FRY: variants seen among roughly 807,000 people sequenced by gnomAD.
FRY encodes protein furry homolog.
Under a neutral mutation model 348.4 loss-of-function variants are expected in FRY, and 128 were observed. The observed-to-expected ratio is 0.37, with a 90% CI of 0.32 to 0.43. FRY has a LOEUF of 0.43. Among genes scored for constraint, FRY ranks in the 20% least tolerant of loss-of-function variants. The probability of loss-of-function intolerance (pLI) is 1.00; values close to 1 mark genes in which losing one functional copy is unlikely to be tolerated. For synonymous variants in FRY, 1,370 were observed against 1,374.7 expected (o/e 1.00, Z 0.08); for missense variants, 2,736 against 3,695.2 (o/e 0.74, Z 6.73).
intron 3 of FRY, among the ~76,000 whole-genome samples, chr13:32,107,745 G>A (rs73167129): frequency 0.051 from 7,718 of 152,224 alleles, 293 homozygotes; most frequent in East Asian, 0.23. Context: ...CCTCAGGAGA[G>A]CAAACTTCGC....
chr13:32,174,676 A>G (rs1403833131), intron 19 of FRY, among the ~76,000 whole-genome samples: 2 of 152,068 alleles, frequency 1.3e-5, no homozygotes, highest in Non-Finnish European at 2.9e-5. Context: ...GTGCTAATCC[A>G]CTAGACTGCA....
intron 8 of FRY, among the ~76,000 whole-genome samples, chr13:32,134,687 G>A (rs1424498980): frequency 6.6e-6 from 1 of 152,216 alleles, no homozygotes; most frequent in Admixed American, 6.5e-5. Flanking sequence ...TGAAATATAA[G>A]AGTGAAAAAA....
chr13:32,276,583 G>T (rs368817077), intron 57 of FRY, 21 bp downstream of exon 57: 19 of 1,261,018 alleles, frequency 1.5e-5, no homozygotes, highest in Non-Finnish European at 2.2e-5. Context: ...GTGTTTCTAT[G>T]CATATGCAGT....
chr13:32,087,888 G>C (rs934451015), intron 2 of FRY, among the ~76,000 whole-genome samples: 5 of 152,198 alleles, frequency 3.3e-5, no homozygotes, highest in Non-Finnish European at 7.3e-5. Flanking sequence ...TTATATGGCA[G>C]ATCTTCATAA....
chr13:32,223,545 G>C lies in FRY; in HGVS notation c.4766-690G>C, dbSNP rs2096780852. ...AATCCCAAAACTTTGGGAGGCCAAG[G>C]TGGGAGGATCACTTGAGTCCAGGAG... On this transcript the variant is annotated intron_variant, in intron 36 of 60. Transcript: ENST00000542859. 2.0e-5 allele frequency among the ~76,000 whole-genome samples: 3 copies of C among 152,072 alleles called. No homozygotes were observed. In the South Asian group the frequency reaches 6.2e-4, roughly 32 times the overall value.
At chr13:32,126,916 A>T (rs1009312045) in intron 7 of FRY, among the ~76,000 whole-genome samples, 1 of 152,206 alleles carries the variant, frequency 6.6e-6, no homozygotes, top group African/African-American at 2.4e-5. Flanking sequence ...TCCCAATGAT[A>T]ATGCTTATTA....
chr13:32,257,833 G>T, intron 51 of FRY: 2 of 740,468 alleles, frequency 2.7e-6, no homozygotes, highest in East Asian at 2.5e-5. Context: ...TGCACCTACT[G>T]AAGTGTATAT....
chr13:32,294,058 C>G (rs978177231), intron 59 of FRY, among the ~76,000 whole-genome samples: 1 of 152,182 alleles, frequency 6.6e-6, no homozygotes, highest in South Asian at 2.1e-4. Context: ...CACTCTTGAG[C>G]CTGATCTCTT....
rs553931523 is a variant in FRY at position 32,123,968 on chromosome 13, G to T, written c.465-318G>T. Among the ~76,000 whole-genome samples, 5 of 152,190 alleles carry T rather than the reference G, an allele frequency of 3.3e-5. No individual in the cohort carries two copies. The South Asian group carries it at 1.0e-3, about 32-fold the overall frequency. ...TCCTGCTTCAGCCTCTCAAGTAGCT[G>T]GGATTACAGGCATGGGCTACCATGC... is the stretch of plus-strand genomic sequence containing the variant. On this transcript the variant is annotated intron_variant, in intron 4 of 60. Transcript: ENST00000542859.
intron 56 of FRY, 113 bp from the exon 57 acceptor site, chr13:32,276,351 A>G (rs1888537081): frequency 1.4e-6 from 1 of 723,766 alleles, no homozygotes; most frequent in Non-Finnish European, 2.5e-6. Context: ...ATTAAAATGG[A>G]TGACACTTGT....
chr13:32,038,194 T>C (rs1872615728), intron 1 of FRY, among the ~76,000 whole-genome samples: 1 of 152,204 alleles, frequency 6.6e-6, no homozygotes, highest in African/African-American at 2.4e-5. Context: ...CATGTAGGTA[T>C]ATTTTGAGAA....
At chr13:32,257,917 A>G in intron 51 of FRY, 1 of 1,544,366 alleles carries the variant, frequency 6.5e-7, no homozygotes, top group Non-Finnish European at 8.9e-7. Context: ...TAATCATTGT[A>G]AATAGACCTT....
At chr13:32,066,606 T>A (rs1427044048) in intron 1 of FRY, among the ~76,000 whole-genome samples, 1 of 152,202 alleles carries the variant, frequency 6.6e-6, no homozygotes, top group African/African-American at 2.4e-5. Flanking sequence ...ATGTAGGATC[T>A]TTTTTTCTGT....
chr13:32,276,599 A>G, intron 57 of FRY, 37 bp downstream of exon 57: 1 of 1,079,864 alleles, frequency 9.3e-7, no homozygotes, highest in East Asian at 2.4e-5. Flanking sequence ...GCAGTCAGTT[A>G]AAACCAAATG....
At chr13:32,195,789 T>C (rs933796200) in intron 29 of FRY, among the ~76,000 whole-genome samples, 1 of 152,216 alleles carries the variant, frequency 6.6e-6, no homozygotes, top group Non-Finnish European at 1.5e-5. Flanking sequence ...TACACTATCT[T>C]GGTTTCTTAG....
Position 32,297,203 on chromosome 13 carries a change from CAGATGCAACT to C in FRY, c.*1745_*1754del. 6.6e-6 allele frequency: 1 copy of C among 152,166 alleles called. No homozygotes were observed. Among genetic ancestry groups the C allele is most frequent in the Non-Finnish European group, 1.5e-5 (1 of 68,020 alleles). The allele number at this position is 152,166 out of a possible 1,614,324, so 9.4% of individuals were successfully genotyped here. ...TTTTTTTAAATCCTAGTAGTTGCTA[CAGATGCAACT>C]ACTAGATTTTAATAATTTTCTGGAC... On this transcript the variant is annotated 3_prime_UTR_variant, in exon 61 of 61. Transcript: ENST00000542859.
intron 50 of FRY, among the ~76,000 whole-genome samples, chr13:32,253,808 A>G (rs776213432): frequency 6.6e-6 from 1 of 152,182 alleles, no homozygotes; most frequent in Non-Finnish European, 1.5e-5. Context: ...CTACAATAAT[A>G]TATCTTGGTA....
At chr13:32,247,263 A>G (rs1470437321) in intron 47 of FRY, 60 bp from the exon 48 acceptor site, 3 of 1,377,840 alleles carry the variant, frequency 2.2e-6, no homozygotes, top group Middle Eastern at 1.9e-4. Context: ...TCATTCTGAC[A>G]TACATTAGCT....
At chr13:32,087,736 G>C (rs80030222) in intron 2 of FRY, among the ~76,000 whole-genome samples, 42 of 152,286 alleles carry the variant, frequency 2.8e-4, no homozygotes, top group Non-Finnish European at 5.4e-4. Flanking sequence ...ATTCACATGA[G>C]TGATGTGTGT....
Sources: allele counts gnomAD v4.1 joint callset (sites outside exome capture counted in the v4.1 genomes callset), GRCh38; gene constraint gnomAD v4.1.1; transcripts MANE v1.5; gene names NCBI Gene and HGNC (gene_info 2026-07-23, HGNC 2026-07-21).